NEIL1: variants seen among roughly 807,000 people sequenced by gnomAD.
NEIL1 encodes nei like DNA glycosylase 1.
NEIL1 carries 31 observed loss-of-function variants against 44.2 expected under a neutral mutation model. The observed-to-expected ratio is 0.70, with a 90% CI of 0.53 to 0.95. The LOEUF (loss-of-function observed/expected upper bound fraction) is 0.95, where lower values mean the gene tolerates loss of function less well. Ranked by LOEUF, NEIL1 falls within the 40% of genes least tolerant of loss-of-function variation. The pLI, the probability that NEIL1 is intolerant of heterozygous loss-of-function variation, is 0.00. For missense variants in NEIL1, 549 were observed against 515.5 expected (o/e 1.07, Z -0.63); for synonymous variants, 254 against 209.7 (o/e 1.21, Z -1.83).
chr15:75,351,932 A>G (rs1278463670), intron 2 of NEIL1, 179 bp from the exon 3 acceptor site: 1 of 606,926 alleles, frequency 1.6e-6, no homozygotes, highest in Non-Finnish European at 2.9e-6. Context: ...GTCCTTTCAC[A>G]ATGAATTTAA....
At position 75,355,291 on chromosome 15, in the gene NEIL1, C is replaced by T. The variant is rs1177533011; in HGVS notation, c.*257C>T. On this transcript the variant is annotated 3_prime_UTR_variant, in exon 10 of 10. Coordinates refer to ENST00000355059, the MANE Select transcript of NEIL1 (RefSeq NM_024608.4). ...TCTGAGATGGCCAGGTAGGAAGGGC[C>T]TGCTGTCCGGTCCTGGTGACAGAAG... is the stretch of plus-strand genomic sequence containing the variant. 1 of 462,722 alleles carries T rather than the reference C, an allele frequency of 2.2e-6. No homozygotes were observed. Among genetic ancestry groups the T allele is most frequent in the Admixed American group, 3.8e-5 (1 of 26,440 alleles). 28.7% of individuals were successfully genotyped at this position (462,722 alleles called of 1,614,324 possible). A position where few individuals can be genotyped will look rare whatever the true frequency, so the allele number is the denominator to read the frequency against.
chr15:75,352,904 C>T lies in NEIL1; in HGVS notation c.718+203C>T, dbSNP rs1382182355. ...CCTGTAATCCCAGCACTTCGGGAGG[C>T]CGAGTGGGGTGGCTCACCTGAGGTC... On this transcript the variant is annotated intron_variant, in intron 5 of 9. Transcript: ENST00000355059. 2.1e-5 allele frequency: 11 copies of T among 530,230 alleles called. No individual in the cohort carries two copies. In the East Asian group the frequency reaches 2.4e-4, roughly 12 times the overall value. The allele number at this position is 530,230 out of a possible 1,614,324, so 32.8% of individuals were successfully genotyped here.
chr15:75,355,633 C>A lies in NEIL1; in HGVS notation c.*599C>A. On this transcript the variant is annotated 3_prime_UTR_variant, in exon 10 of 10. Coordinates refer to ENST00000355059, the MANE Select transcript of NEIL1 (RefSeq NM_024608.4). Reference sequence around the variant, plus strand: ...CACTGGCTTTTGGTGGCTCGAGGTCCCCAGTCTCTCCTGTGGGGGCTGCAA... The same window carrying A: ...CACTGGCTTTTGGTGGCTCGAGGTCACCAGTCTCTCCTGTGGGGGCTGCAA... The A allele has an allele frequency of 2.5e-6, 1 of 407,434 alleles. No individual in the cohort carries two copies. The highest frequency in any genetic ancestry group is 2.8e-5 in the South Asian group (1 of 35,556). The allele number at this position is 407,434 out of a possible 1,614,324, so 25.2% of individuals were successfully genotyped here.
Position 75,355,891 on chromosome 15 carries a change from C to T in NEIL1, c.*857C>T, listed in dbSNP as rs2072275856. ...CCCCAGAGCCTTCTACAAACAAAAC[C>T]CCAGCCCCAGGGACTCAGTGTGGCG... On this transcript the variant is annotated 3_prime_UTR_variant, in exon 10 of 10. Transcript: ENST00000355059. The T allele has an allele frequency of 1.9e-6, 3 of 1,613,956 alleles. No individual in the cohort carries two copies. Among genetic ancestry groups the T allele is most frequent in the East Asian group, 4.5e-5 (2 of 44,890 alleles).
rs377371954 is a variant in NEIL1 at position 75,352,568 on chromosome 15, T to C, written c.619-34T>C. On this transcript the variant is annotated intron_variant, in intron 4 of 9. Transcript: ENST00000355059. ...GTCAGCTGCCTTTACATGGCCCTGC[T>C]GACAGACAGGTCCTGCCCCTGCCCC... 8.8e-6 allele frequency: 14 copies of C among 1,599,360 alleles called. No homozygotes were observed. In the African/African-American group the frequency reaches 1.9e-4, roughly 21 times the overall value.
At chr15:75,354,000 C>T (rs2072142817) in intron 6 of NEIL1, 134 bp downstream of exon 6, 1 of 1,251,908 alleles carries the variant, frequency 8.0e-7, no homozygotes, top group South Asian at 1.4e-5. Flanking sequence ...CTGAGGGTCA[C>T]ACCCCTCCCC....
intron 5 of NEIL1, 72 bp from the exon 6 acceptor site, chr15:75,353,667 G>A (rs2072109789): frequency 3.8e-6 from 6 of 1,564,544 alleles, no homozygotes; most frequent in Non-Finnish European, 5.3e-6. Flanking sequence ...TCTGGGCCAG[G>A]TCTAACCAGG....
At chr15:75,350,844 A>C (rs1175136998) in intron 2 of NEIL1, among the ~76,000 whole-genome samples, 1 of 152,124 alleles carries the variant, frequency 6.6e-6, no homozygotes, top group Non-Finnish European at 1.5e-5. Context: ...GGCGTGTGGC[A>C]ATTGGCTTAC....
chr15:75,350,954 C>A (rs970657075), intron 2 of NEIL1, among the ~76,000 whole-genome samples: 2 of 152,190 alleles, frequency 1.3e-5, no homozygotes, highest in Non-Finnish European at 2.9e-5. Flanking sequence ...CTTGCCATGA[C>A]CCTTTTCCGC....
Position 75,352,494 on chromosome 15 carries a change from G to T in NEIL1, c.618+107G>T, listed in dbSNP as rs889812128. On this transcript the variant is annotated intron_variant, in intron 4 of 9. Coordinates refer to ENST00000355059, the MANE Select transcript of NEIL1 (RefSeq NM_024608.4). ...GTCCCCAGCTTAGCTCAACAACAGGGGTGGGGAGGGGATGAACTGCCCAAA... is the reference window on the plus strand; with the variant it reads ...GTCCCCAGCTTAGCTCAACAACAGGTGTGGGGAGGGGATGAACTGCCCAAA... The T allele has an allele frequency of 1.7e-5, 27 of 1,547,030 alleles. No individual in the cohort carries two copies. The South Asian group carries it at 2.9e-4, about 17-fold the overall frequency.
At chr15:75,352,082 T>C in intron 2 of NEIL1, 29 bp from the exon 3 acceptor site, 1 of 1,613,214 alleles carries the variant, frequency 6.2e-7, no homozygotes, top group Non-Finnish European at 8.5e-7. Context: ...TGGGGATGGG[T>C]CTTACGCACC....
At chr15:75,350,294 C>T (rs1427741384) in intron 2 of NEIL1, among the ~76,000 whole-genome samples, 1 of 152,150 alleles carries the variant, frequency 6.6e-6, no homozygotes, top group Non-Finnish European at 1.5e-5. Context: ...CAGCAGTGAA[C>T]AAGATGAATG....
At position 75,356,165 on chromosome 15, in the gene NEIL1, C is replaced by T. The variant is rs758117457; in HGVS notation, c.*1131C>T. ...TGCAGCCAGCAGTCCACGTGGCTGC[C>T]GTGGGCCTCATACAGCCTCAGGACC... On this transcript the variant is annotated 3_prime_UTR_variant, in exon 10 of 10. Transcript: ENST00000355059. This position sits in a 1 kb window ranked among gnomAD's most constrained non-coding sequence, Gnocchi z 5.8. 1.3e-5 allele frequency: 21 copies of T among 1,613,486 alleles called. 1 individual carries two copies. Among genetic ancestry groups the T allele is most frequent in the Middle Eastern group, 3.3e-4 (2 of 6,078 alleles).
intron 6 of NEIL1, 174 bp downstream of exon 6, chr15:75,354,040 G>A: frequency 9.3e-7 from 1 of 1,080,722 alleles, no homozygotes; most frequent in African/African-American, 1.6e-5. Context: ...GCAGCTAGTG[G>A]AAGTAGCCCA....
intron 4 of NEIL1, 68 bp downstream of exon 4, chr15:75,352,455 G>A (rs2071990447): frequency 6.3e-7 from 1 of 1,594,792 alleles, no homozygotes; most frequent in African/African-American, 1.3e-5. Context: ...GCAAGGAGAT[G>A]GGTGGGGTCA....
chr15:75,356,478 T>TG lies in NEIL1; in HGVS notation c.*1446dup, dbSNP rs1567269307. On this transcript the variant is annotated 3_prime_UTR_variant, in exon 10 of 10. Coordinates refer to ENST00000355059, the MANE Select transcript of NEIL1 (RefSeq NM_024608.4). The surrounding 1 kb of genome is among the most constrained non-coding windows in gnomAD (Gnocchi z 5.8). ...GGGTACGACCAGGAAACAATGCTGG[T>TG]GGAGAATGGGGGCTACCCTCCCCTG... The TG allele has an allele frequency of 6.3e-7, 1 of 1,578,552 alleles. No homozygotes were observed. The highest frequency in any genetic ancestry group is 1.2e-5 in the South Asian group (1 of 85,892).
Position 75,349,215 on chromosome 15 carries a change from G to GT in NEIL1, c.310_311insT (p.Ala104ValfsTer52). 1 of 1,609,216 alleles carries GT rather than the reference G, an allele frequency of 6.2e-7. No individual in the cohort carries two copies. Among genetic ancestry groups the GT allele is most frequent in the Middle Eastern group, 1.7e-4 (1 of 5,902 alleles). On this transcript the variant is annotated frameshift_variant, in exon 2 of 10. Transcript: ENST00000355059. LOFTEE classifies it high-confidence loss of function. ...CCATGCCCACCTGCGCTTTTACACGGCCCCGCCTGGCCCCCGGCTCGCCCT... is the reference window on the plus strand; with the variant it reads ...CCATGCCCACCTGCGCTTTTACACGGTCCCCGCCTGGCCCCCGGCTCGCCCT...
chr15:75,352,162 C>T lies in NEIL1; in HGVS notation c.486C>T (p.Cys162=), dbSNP rs764183835. The change falls in exon 3 of 10, where the codon TGC becomes TGT. Residue 162 remains cysteine (C), a synonymous_variant. Transcript: ENST00000355059. ...ATAAGGCCTTTGACCGGCCCATCTGCGAGGCCCTCCTGGACCAGAGGTTCT... is the reference window on the plus strand; with the variant it reads ...ATAAGGCCTTTGACCGGCCCATCTGTGAGGCCCTCCTGGACCAGAGGTTCT... The part of the protein sequence containing the change: ...LADKAFDRPI[C]EALLDQRFFN... The T allele has an allele frequency of 6.2e-6, 10 of 1,614,020 alleles. No individual in the cohort carries two copies. The highest frequency in any genetic ancestry group is 2.7e-5 in the African/African-American group (2 of 74,926).
intron 2 of NEIL1, chr15:75,351,252 C>A: frequency 2.2e-6 from 1 of 449,874 alleles, no homozygotes; most frequent in South Asian, 1.6e-5. Flanking sequence ...AAACACACAA[C>A]CTCATATACA....
Sources: allele counts gnomAD v4.1 joint callset (sites outside exome capture counted in the v4.1 genomes callset), GRCh38; gene constraint gnomAD v4.1.1; non-coding constraint Gnocchi (gnomAD v3.1); transcripts MANE v1.5; gene names NCBI Gene and HGNC (gene_info 2026-07-23, HGNC 2026-07-21).